The following MYO5A variants were observed in gnomAD, a reference collection of about 807,000 sequenced individuals.
The protein encoded by MYO5A is myosin VA, also known as unconventional myosin-Va.
In MYO5A, 98 loss-of-function variants were observed where a neutral mutation model predicts 249.7. The observed-to-expected ratio is 0.39, with a 90% CI of 0.33 to 0.46. The LOEUF is 0.46. Among genes scored for constraint, MYO5A ranks in the 20% least tolerant of loss-of-function variants. MYO5A has a pLI of 0.98. For synonymous variants in MYO5A, 778 were observed against 810.6 expected, an observed-to-expected ratio of 0.96 and a Z score of 0.68; for missense variants, 1,696 against 2,308.8, an observed-to-expected ratio of 0.73 and a Z score of 5.44.
intron 1 of MYO5A, among the ~76,000 whole-genome samples, chr15:52,515,682 G>A (rs959284612): frequency 3.3e-5 from 5 of 152,178 alleles, no homozygotes; most frequent in African/African-American, 9.7e-5. Context: ...TTTTGAATAT[G>A]CTGGGTTTGG....
rs148385822 is a variant in MYO5A, at chr15:52,344,695, T to C, written c.3960-1498A>G. Among the ~76,000 whole-genome samples the C allele has an allele frequency of 3.3e-3, 505 of 152,288 alleles. 5 individuals carry two copies. The highest frequency in any genetic ancestry group is 0.011 in the African/African-American group (477 of 41,548). On this transcript the variant is annotated intron_variant, in intron 30 of 41. Transcript: ENST00000399233. ...GGGCTAGCTTTCCAAAAATCAAATCTCATCACACCATTCTCCTACTTAACA... is the reference window on the plus strand; with the variant it reads ...GGGCTAGCTTTCCAAAAATCAAATCCCATCACACCATTCTCCTACTTAACA...
chr15:52,479,353 C>T (rs1228711792), intron 1 of MYO5A, among the ~76,000 whole-genome samples: 1 of 152,060 alleles, frequency 6.6e-6, no homozygotes, highest in African/African-American at 2.4e-5. Flanking sequence ...TTTACGTATA[C>T]TTTATGTATT....
At position 52,404,010 on chromosome 15, in the gene MYO5A, A is replaced by G. The variant is rs372757909; in HGVS notation, c.1053+1277T>C. Among the ~76,000 whole-genome samples, 145 of 152,292 alleles carry G rather than the reference A, an allele frequency of 9.5e-4. 1 individual carries two copies. Among genetic ancestry groups the G allele is most frequent in the African/African-American group, 3.2e-3 (135 of 41,556 alleles). ...GTGGTGGCTCACACCTCACACCTAT[A>G]ATCCCAGCACTTTGGGAGGCCAAGG... On this transcript the variant is annotated intron_variant, in intron 9 of 41. Coordinates refer to ENST00000399233, the MANE Select transcript of MYO5A (RefSeq NM_001382347.1).
chr15:52,397,611 T>C (rs2042547686), intron 9 of MYO5A, 145 bp from the exon 10 acceptor site: 5 of 973,146 alleles, frequency 5.1e-6, no homozygotes. Context: ...TGATTAGTGA[T>C]AATAATCACA....
At chr15:52,351,221 G>A (rs773563577) in intron 28 of MYO5A, 33 bp downstream of exon 28, 10 of 1,567,786 alleles carry the variant, frequency 6.4e-6, no homozygotes, top group Admixed American at 1.7e-5. Context: ...GCCAGTCCCC[G>A]AACACCCAGT....
chr15:52,337,937 A>T, intron 32 of MYO5A, 53 bp from the exon 33 acceptor site: 1 of 1,237,438 alleles, frequency 8.1e-7, no homozygotes, highest in Non-Finnish European at 1.1e-6. Flanking sequence ...TTTGAGGGAA[A>T]TGCTATCTTT....
chr15:52,528,638 G>C, intron 1 of MYO5A, 142 bp downstream of exon 1: 2 of 973,308 alleles, frequency 2.1e-6, no homozygotes, highest in South Asian at 4.2e-5. Context: ...CGGCTGGTAG[G>C]GCCGAGGGTT....
chr15:52,489,884 A>G (rs888629030), intron 1 of MYO5A, among the ~76,000 whole-genome samples: 8 of 152,164 alleles, frequency 5.3e-5, no homozygotes, highest in Non-Finnish European at 8.8e-5. Flanking sequence ...ATGATGAACA[A>G]CCTGATTTTA....
At chr15:52,497,312 G>C (rs1426429934) in intron 1 of MYO5A, among the ~76,000 whole-genome samples, 2 of 151,972 alleles carry the variant, frequency 1.3e-5, no homozygotes, top group African/African-American at 2.4e-5. Flanking sequence ...GAGGAGTCAG[G>C]ATGGCAAGTC....
At chr15:52,371,129 A>AC (rs2041089596) in intron 21 of MYO5A, among the ~76,000 whole-genome samples, 1 of 151,310 alleles carries the variant, frequency 6.6e-6, no homozygotes, top group Non-Finnish European at 1.5e-5. Context: ...AAAAACAAAA[A>AC]AAAAAAACCC....
intron 36 of MYO5A, chr15:52,324,042 A>T (rs1410959352): frequency 1.4e-5 from 2 of 144,286 alleles, no homozygotes; most frequent in African/African-American, 2.6e-5. Flanking sequence ...AAAAAAAATC[A>T]CCCAGCTACA....
At chr15:52,337,287 C>T (rs2039163333) in intron 33 of MYO5A, among the ~76,000 whole-genome samples, 3 of 152,148 alleles carry the variant, frequency 2.0e-5, no homozygotes, top group African/African-American at 7.2e-5. Context: ...TGATTATTGG[C>T]TATTTAATAA....
intron 30 of MYO5A, among the ~76,000 whole-genome samples, chr15:52,345,570 G>C (rs970609575): frequency 7.4e-5 from 11 of 148,616 alleles, no homozygotes; most frequent in African/African-American, 2.8e-4. Context: ...AGGCGAAAGA[G>C]GGAAACTCCA....
intron 27 of MYO5A, among the ~76,000 whole-genome samples, chr15:52,353,303 G>T (rs923610183): frequency 6.6e-6 from 1 of 152,136 alleles, no homozygotes; most frequent in Middle Eastern, 3.2e-3. Context: ...TCCTATGTCT[G>T]GTCTGCCCCA....
intron 11 of MYO5A, among the ~76,000 whole-genome samples, chr15:52,393,060 C>T (rs1044117342): frequency 6.6e-6 from 1 of 152,182 alleles, no homozygotes; most frequent in African/African-American, 2.4e-5. Context: ...TTTCAGGGTG[C>T]TGCCCAGCCA....
In MYO5A at chr15:52,346,354, A is replaced by T; in HGVS notation, c.3959+7T>A. The T allele has an allele frequency of 6.5e-7, 1 of 1,528,376 alleles. No individual in the cohort carries two copies. Among genetic ancestry groups the T allele is most frequent in the Non-Finnish European group, 9.1e-7 (1 of 1,104,494 alleles). The allele number at this position is 1,528,376 out of a possible 1,614,324, so 94.7% of individuals were successfully genotyped here. On this transcript the variant is annotated splice_region_variant and intron_variant, in intron 30 of 41. Transcript: ENST00000399233. ...AACCAAAATGAATAAAAGAAGGATC[A>T]ACTTACCTATTTGTTTCTTTCAAAC...
In MYO5A at chr15:52,469,704, T is replaced by C. The variant is rs148711070; in HGVS notation, c.28-36419A>G. 2.4e-3 allele frequency among the ~76,000 whole-genome samples: 370 copies of C among 152,332 alleles called. 1 individual carries two copies. Among genetic ancestry groups the C allele is most frequent in the African/African-American group, 8.3e-3 (344 of 41,572 alleles). ...GTTTGATTTTGTTTCAGTGCCCAAA[T>C]CATAGGAGGGTTCATGTAAAAGAAG... On this transcript the variant is annotated intron_variant, in intron 1 of 41. Coordinates refer to ENST00000399233, the MANE Select transcript of MYO5A (RefSeq NM_001382347.1).
chr15:52,414,621 A>G (rs1431024947), intron 5 of MYO5A, among the ~76,000 whole-genome samples: 2 of 152,200 alleles, frequency 1.3e-5, no homozygotes, highest in Admixed American at 6.5e-5. Context: ...ACCTAATGCC[A>G]TCACATTCAA....
At chr15:52,407,433 A>G in intron 7 of MYO5A, 34 bp from the exon 8 acceptor site, 2 of 1,534,792 alleles carry the variant, frequency 1.3e-6, no homozygotes, top group Non-Finnish European at 1.8e-6. Context: ...TTTCTGGTTT[A>G]TGAAAAAGCC....
Sources: gnomAD v4.1 joint callset for allele counts (sites outside exome capture counted in the v4.1 genomes callset) on GRCh38, gnomAD v4.1.1 for gene constraint, MANE v1.5 for transcripts, NCBI Gene and HGNC (gene_info 2026-07-23, HGNC 2026-07-21) for gene names.